STK4: variants seen among roughly 807,000 people sequenced by gnomAD.
STK4 encodes the protein serine/threonine-protein kinase 4.
In STK4, 30 loss-of-function variants were observed where a neutral mutation model predicts 64.9. The observed-to-expected ratio is 0.46, with a 90% CI of 0.35 to 0.63. STK4 has a LOEUF of 0.63. Among genes scored for constraint, STK4 ranks in the 20% least tolerant of loss-of-function variants. The pLI is 0.01. For missense variants in STK4, 466 were observed against 598.5 expected (o/e 0.78, Z 2.31); for synonymous variants, 177 against 199.0 (o/e 0.89, Z 0.93).
At chr20:44,977,874 G>T (rs1279126408) in intron 2 of STK4, among the ~76,000 whole-genome samples, 1 of 152,150 alleles carries the variant, frequency 6.6e-6, no homozygotes, top group Non-Finnish European at 1.5e-5. Flanking sequence ...GAGGAGCAAG[G>T]ACAGAAAGAT....
intron 9 of STK4, among the ~76,000 whole-genome samples, chr20:45,001,873 C>CT (rs1011769212): frequency 6.6e-6 from 1 of 152,110 alleles, no homozygotes; most frequent in African/African-American, 2.4e-5. Flanking sequence ...CTGGCTGATC[C>CT]TTTTTTGCCT....
At position 45,001,118 on chromosome 20, in the gene STK4, A is replaced by C. The variant is rs201346692; in HGVS notation, c.961-49A>C. Reference sequence around the variant, plus strand: ...CAGGTAGTAGTTATTCAGAAAACTCAAAGTCTTTTGTCAAATTAGCCCCAA... The same window carrying C: ...CAGGTAGTAGTTATTCAGAAAACTCCAAGTCTTTTGTCAAATTAGCCCCAA... On this transcript the variant is annotated intron_variant, in intron 8 of 10. Transcript: ENST00000372806. The C allele has an allele frequency of 2.6e-6, 4 of 1,565,076 alleles. No individual in the cohort carries two copies. The East Asian group carries it at 9.1e-5, about 36-fold the overall frequency.
At chr20:45,040,174 T>C (rs2068590594) in intron 10 of STK4, among the ~76,000 whole-genome samples, 1 of 151,886 alleles carries the variant, frequency 6.6e-6, no homozygotes, top group Non-Finnish European at 1.5e-5. Context: ...GGTCATTGTC[T>C]GGATGCCATT....
intron 10 of STK4, among the ~76,000 whole-genome samples, chr20:45,065,991 A>G (rs971353206): frequency 1.3e-5 from 2 of 152,032 alleles, no homozygotes; most frequent in African/African-American, 4.8e-5. Context: ...AATGGCCCCA[A>G]AGCATAAGAG....
intron 6 of STK4, among the ~76,000 whole-genome samples, chr20:44,995,624 A>AAG (rs2067715825): frequency 2.6e-5 from 4 of 151,792 alleles, no homozygotes. Context: ...AAAAAAAAAA[A>AAG]AAAAAGTTCA....
chr20:45,020,426 G>A (rs1428456677), intron 9 of STK4, among the ~76,000 whole-genome samples: 1 of 139,456 alleles, frequency 7.2e-6, no homozygotes, highest in Non-Finnish European at 1.5e-5. Flanking sequence ...AGATTTAGGG[G>A]TGTATGTTTA....
chr20:45,011,721 ATATATATATTTTTTTTT>A (rs1312172163), intron 9 of STK4, among the ~76,000 whole-genome samples: 3 of 105,496 alleles, frequency 2.8e-5, no homozygotes, highest in Non-Finnish European at 3.9e-5. Flanking sequence ...ATATATATAT[ATATATATATTTTTTTTT>A]TTTTTTTTAA....
intron 10 of STK4, among the ~76,000 whole-genome samples, chr20:45,051,049 A>G (rs2068769004): frequency 6.6e-6 from 1 of 152,206 alleles, no homozygotes; most frequent in Non-Finnish European, 1.5e-5. Flanking sequence ...GTTTTTACAG[A>G]TAGAAACTTT....
intron 10 of STK4, among the ~76,000 whole-genome samples, chr20:45,041,392 T>C (rs1484972969): frequency 2.0e-5 from 3 of 152,170 alleles, no homozygotes; most frequent in Admixed American, 6.5e-5. Context: ...TCCATACTTT[T>C]CTCTGTTTGT....
chr20:44,995,307 T>G, intron 6 of STK4, 50 bp downstream of exon 6: 1 of 1,559,072 alleles, frequency 6.4e-7, no homozygotes, highest in Middle Eastern at 1.7e-4. Context: ...CTGATCATCA[T>G]TAAAAAGTGA....
intron 10 of STK4, among the ~76,000 whole-genome samples, chr20:45,062,906 G>A (rs1325371771): frequency 2.1e-5 from 3 of 142,736 alleles, no homozygotes; most frequent in Non-Finnish European, 3.0e-5. Flanking sequence ...TAGCCAGAAC[G>A]GTCTCAATCT....
At chr20:44,966,704 C>T in intron 1 of STK4, 101 bp downstream of exon 1, 2 of 1,221,392 alleles carry the variant, frequency 1.6e-6, no homozygotes, top group East Asian at 3.2e-5. Flanking sequence ...CGGAGCTAAG[C>T]GACCCAGCCG....
At chr20:45,031,859 C>G (rs2068449332) in intron 10 of STK4, among the ~76,000 whole-genome samples, 1 of 138,678 alleles carries the variant, frequency 7.2e-6, no homozygotes, top group Non-Finnish European at 1.5e-5. Context: ...GAGCCGAGAT[C>G]ATGCCACTGC....
At chr20:45,068,734 G>A (rs1979803098) in intron 10 of STK4, among the ~76,000 whole-genome samples, 1 of 152,052 alleles carries the variant, frequency 6.6e-6, no homozygotes, top group Admixed American at 6.6e-5. Context: ...TATCCTCAGT[G>A]ACCTCATCTC....
At chr20:44,987,581 A>G (rs1268149208) in intron 5 of STK4, among the ~76,000 whole-genome samples, 1 of 152,148 alleles carries the variant, frequency 6.6e-6, no homozygotes, top group Non-Finnish European at 1.5e-5. Context: ...TATAAAAGGA[A>G]GAAAAATTAA....
rs916402932 is a variant in STK4 at position 45,047,914 on chromosome 20, C to A, written c.1305+22784C>A. On this transcript the variant is annotated intron_variant, in intron 10 of 10. Transcript: ENST00000372806. ...TTCTGGGACTCTGTTTCTTTGTCTG[C>A]TAAAGGTAAGATTAAGCCTTCAAGA... Among the ~76,000 whole-genome samples, 6 of 152,154 alleles carry A rather than the reference C, an allele frequency of 3.9e-5. No individual in the cohort carries two copies. The East Asian group carries it at 9.6e-4, about 24-fold the overall frequency.
intron 9 of STK4, among the ~76,000 whole-genome samples, chr20:45,007,408 A>T (rs991016041): frequency 6.6e-6 from 1 of 152,114 alleles, no homozygotes; most frequent in African/African-American, 2.4e-5. Flanking sequence ...TTAGCTGGGC[A>T]TGGTGGCGGG....
At chr20:45,070,057 G>C (rs1979918950) in intron 10 of STK4, among the ~76,000 whole-genome samples, 1 of 152,188 alleles carries the variant, frequency 6.6e-6, no homozygotes, top group African/African-American at 2.4e-5. Context: ...AACCATGCAG[G>C]CAGAAGATTC....
intron 10 of STK4, among the ~76,000 whole-genome samples, chr20:45,047,559 CTT>C (rs1238856154): frequency 6.6e-6 from 1 of 152,048 alleles, no homozygotes; most frequent in East Asian, 1.9e-4. Context: ...TTCAGATTTT[CTT>C]TTTGTAATAT....
Sources: gnomAD v4.1 joint callset for allele counts (sites outside exome capture counted in the v4.1 genomes callset) on GRCh38, gnomAD v4.1.1 for gene constraint, MANE v1.5 for transcripts, NCBI Gene and HGNC (gene_info 2026-07-23, HGNC 2026-07-21) for gene names.